The following WNK1 variants were observed in gnomAD, a reference collection of about 807,000 sequenced individuals.
WNK1 encodes WNK lysine deficient protein kinase 1.
Under a neutral mutation model 222.8 loss-of-function variants are expected in WNK1, and 38 were observed. The ratio of observed to expected loss-of-function variants is 0.17; its 90% CI spans 0.13 to 0.22. WNK1 has a LOEUF of 0.22. Ranked by LOEUF, WNK1 falls within the 10% of genes least tolerant of loss-of-function variation. WNK1 has a pLI of 1.00. For missense variants in WNK1, 2,348 were observed against 2,918.4 expected, an observed-to-expected ratio of 0.80 and a Z score of 4.50; for synonymous variants, 1,090 against 1,092.9, an observed-to-expected ratio of 1.00 and a Z score of 0.05.
intron 8 of WNK1, chr12:867,814 G>A (rs1414646193): frequency 1.2e-6 from 2 of 1,605,152 alleles, no homozygotes; most frequent in Non-Finnish European, 8.5e-7. Flanking sequence ...CATGTCTGAT[G>A]TAATTTCACA....
chr12:848,236 C>T (rs568613572), intron 4 of WNK1, among the ~76,000 whole-genome samples: 3 of 152,156 alleles, frequency 2.0e-5, no homozygotes, highest in South Asian at 2.1e-4. Flanking sequence ...AACTATTAAC[C>T]GTTTTTGAGC....
At chr12:901,330 G>A (rs1955238263) in intron 26 of WNK1, among the ~76,000 whole-genome samples, 1 of 152,182 alleles carries the variant, frequency 6.6e-6, no homozygotes, top group Admixed American at 6.5e-5. Flanking sequence ...GGTAAGGAGG[G>A]CAAACTAGCT....
intron 25 of WNK1, among the ~76,000 whole-genome samples, chr12:897,907 A>G (rs1045578339): frequency 6.6e-6 from 1 of 152,200 alleles, no homozygotes; most frequent in African/African-American, 2.4e-5. Flanking sequence ...TGTAATCCAT[A>G]TTGCTATCTA....
At chr12:849,570 A>T (rs759843108) in intron 4 of WNK1, among the ~76,000 whole-genome samples, 17 of 151,456 alleles carry the variant, frequency 1.1e-4, no homozygotes, top group Non-Finnish European at 1.9e-4. Flanking sequence ...AATACTGTTG[A>T]TTTTTTTTTA....
At position 887,876 on chromosome 12, in the gene WNK1, A is replaced by G. The variant is rs544427721; in HGVS notation, c.5364+572A>G. 2.6e-5 allele frequency among the ~76,000 whole-genome samples: 4 copies of G among 152,324 alleles called. No individual in the cohort carries two copies. In the South Asian group the frequency reaches 8.3e-4, roughly 32 times the overall value. On this transcript the variant is annotated intron_variant, in intron 20 of 27. Coordinates refer to ENST00000315939, the MANE Select transcript of WNK1 (RefSeq NM_018979.4). ...AGCCACCGAGCTCAGTGAGATGCTA[A>G]CATTATGAGATCACTCATGGAGGAA...
At position 833,522 on chromosome 12, in the gene WNK1, T is replaced by C. The variant is rs1370723819; in HGVS notation, c.1311+3362T>C. Among the ~76,000 whole-genome samples the C allele has an allele frequency of 2.0e-5, 3 of 152,246 alleles. No individual in the cohort carries two copies. The East Asian group carries it at 5.8e-4, about 29-fold the overall frequency. On this transcript the variant is annotated intron_variant, in intron 4 of 27. Coordinates refer to ENST00000315939, the MANE Select transcript of WNK1 (RefSeq NM_018979.4). ...ATGTTATATAATACTGTACCTCCAC[T>C]ATAAGCTTTTCTGCTATCCAGTCAA...
chr12:823,841 G>A (rs991251544), intron 2 of WNK1, among the ~76,000 whole-genome samples: 1 of 151,654 alleles, frequency 6.6e-6, no homozygotes, highest in Admixed American at 6.6e-5. Flanking sequence ...TCTTCAATGT[G>A]GTTGGGCAAA....
chr12:881,597 T>TG, intron 12 of WNK1, 95 bp from the exon 13 acceptor site: 1 of 953,548 alleles, frequency 1.0e-6, no homozygotes, highest in Non-Finnish European at 1.7e-6. Context: ...TAGGACGTAG[T>TG]GGGGAGGGAT....
chr12:857,009 A>C (rs960104962), intron 4 of WNK1, 152 bp from the exon 5 acceptor site: 1 of 750,244 alleles, frequency 1.3e-6, no homozygotes, highest in South Asian at 1.5e-5. Context: ...TCACTACCCA[A>C]CTGTGACACT....
chr12:872,114 C>T (rs1952206357), intron 9 of WNK1, among the ~76,000 whole-genome samples: 1 of 151,900 alleles, frequency 6.6e-6, no homozygotes, highest in African/African-American at 2.4e-5. Context: ...ACTTCAAGAA[C>T]ATTTATTTAT....
At chr12:846,957 T>G (rs1950067424) in intron 4 of WNK1, among the ~76,000 whole-genome samples, 1 of 152,210 alleles carries the variant, frequency 6.6e-6, no homozygotes, top group Non-Finnish European at 1.5e-5. Context: ...CTTAATAAAT[T>G]TTGTTTCTAT....
At chr12:908,415 C>T (rs1284759580) in intron 27 of WNK1, 60 bp from the exon 28 acceptor site, 29 of 1,525,752 alleles carry the variant, frequency 1.9e-5, no homozygotes, top group Non-Finnish European at 2.4e-5. Flanking sequence ...TATATGTTAG[C>T]GCCACACATT....
intron 26 of WNK1, among the ~76,000 whole-genome samples, chr12:903,291 C>G (rs1253432704): frequency 6.6e-6 from 1 of 152,118 alleles, no homozygotes; most frequent in Non-Finnish European, 1.5e-5. Context: ...GAAGGCATTA[C>G]CCAATTCGAT....
rs1192213003 is a variant in WNK1, at chr12:820,418, T to C, written c.932+6604T>C. 2.0e-5 allele frequency among the ~76,000 whole-genome samples: 3 copies of C among 151,922 alleles called. No homozygotes were observed. The South Asian group carries it at 6.2e-4, about 31-fold the overall frequency. ...TGTCAGTCTTGTACTTTTGTAACTT[T>C]ACTGAATTCTTGTATTAGCTCATCT... On this transcript the variant is annotated intron_variant, in intron 2 of 27. Coordinates refer to ENST00000315939, the MANE Select transcript of WNK1 (RefSeq NM_018979.4).
intron 4 of WNK1, among the ~76,000 whole-genome samples, chr12:852,875 G>C (rs938579974): frequency 6.6e-6 from 1 of 152,060 alleles, no homozygotes; most frequent in African/African-American, 2.4e-5. Flanking sequence ...GGATCAGTGA[G>C]GTTTCATAAT....
At chr12:865,195 AC>A in intron 8 of WNK1, 1 of 1,534,500 alleles carries the variant, frequency 6.5e-7, no homozygotes, top group Non-Finnish European at 8.7e-7. Flanking sequence ...GTGCTCTTCC[AC>A]CCCACCGCCA....
intron 20 of WNK1, 79 bp downstream of exon 20, chr12:887,383 C>A: frequency 7.0e-7 from 1 of 1,437,542 alleles, no homozygotes; most frequent in South Asian, 1.1e-5. Context: ...ACTACGTGGT[C>A]TTGGCTTTTG....
intron 8 of WNK1, among the ~76,000 whole-genome samples, chr12:867,283 C>G (rs1301436788): frequency 6.6e-6 from 1 of 152,132 alleles, no homozygotes; most frequent in African/African-American, 2.4e-5. Context: ...ATTACTGTCA[C>G]TAGTCAAATT....
intron 8 of WNK1, among the ~76,000 whole-genome samples, chr12:870,327 T>G (rs1353815354): frequency 1.3e-5 from 2 of 152,208 alleles, no homozygotes; most frequent in Non-Finnish European, 2.9e-5. Flanking sequence ...AATTATCCTT[T>G]AGACTTTCCA....
Sources: allele counts gnomAD v4.1 joint callset (sites outside exome capture counted in the v4.1 genomes callset), GRCh38; gene constraint gnomAD v4.1.1; transcripts MANE v1.5; gene names NCBI Gene and HGNC (gene_info 2026-07-23, HGNC 2026-07-21).